Variants in ANO3 observed in about 807,000 individuals in gnomAD.
The protein encoded by ANO3 is anoctamin-3.
ANO3 carries 99 observed loss-of-function variants against 144.8 expected under a neutral mutation model. The ratio of observed to expected loss-of-function variants is 0.68; its 90% CI spans 0.58 to 0.81. ANO3 has a LOEUF of 0.81. Among genes scored for constraint, ANO3 ranks in the 30% least tolerant of loss-of-function variants. ANO3 has a pLI of 0.00. For missense variants in ANO3, 905 were observed against 1,202.2 expected (o/e 0.75, Z 3.66); for synonymous variants, 414 against 392.6 (o/e 1.05, Z -0.64).
chr11:26,260,631 G>GATTAAATAA (rs1298811736), intron 1 of ANO3, among the ~76,000 whole-genome samples: 3 of 152,088 alleles, frequency 2.0e-5, no homozygotes, highest in African/African-American at 7.2e-5. Context: ...TCTTAACCAA[G>GATTAAATAA]GTATGTGATT....
chr11:26,601,481 A>G (rs897143118), intron 17 of ANO3, among the ~76,000 whole-genome samples: 8 of 152,198 alleles, frequency 5.3e-5, no homozygotes, highest in African/African-American at 1.9e-4. Flanking sequence ...ATTATCTCTA[A>G]ACGAGCCATA....
rs188603394 is a variant in ANO3 at position 26,483,395 on chromosome 11, G to T, written c.432+20247G>T. Among the ~76,000 whole-genome samples the T allele has an allele frequency of 1.9e-3, 288 of 152,270 alleles. 6 individuals carry two copies. In the South Asian group the frequency reaches 0.022, roughly 11 times the overall value. On this transcript the variant is annotated intron_variant, in intron 4 of 26. Transcript: ENST00000256737. ...TCTCCAGTTCTGGAGGAGGGGTCTG[G>T]TAGGATGTGATTGGATCATGGGGAT...
chr11:26,338,649 C>G (rs148059012), intron 1 of ANO3, among the ~76,000 whole-genome samples: 1 of 152,178 alleles, frequency 6.6e-6, no homozygotes, highest in Non-Finnish European at 1.5e-5. Flanking sequence ...TAGCACTCAC[C>G]GCGAGGGTCT....
intron 1 of ANO3, among the ~76,000 whole-genome samples, chr11:26,404,683 T>G (rs1857231409): frequency 6.6e-6 from 1 of 151,514 alleles, no homozygotes; most frequent in Admixed American, 6.6e-5. Flanking sequence ...TAGTAAGGAG[T>G]CGAAGGGAGG....
intron 18 of ANO3, among the ~76,000 whole-genome samples, chr11:26,626,887 T>C (rs1852604167): frequency 6.6e-6 from 1 of 152,176 alleles, no homozygotes; most frequent in African/African-American, 2.4e-5. Flanking sequence ...TATTGACTCA[T>C]GCTTCACATT....
chr11:26,339,614 A>G (rs1855299210), intron 1 of ANO3, among the ~76,000 whole-genome samples: 1 of 152,098 alleles, frequency 6.6e-6, no homozygotes, highest in Admixed American at 6.5e-5. Context: ...CACCTTTTCC[A>G]CAAAAATAAT....
chr11:26,219,775 T>A (rs565365637), intron 1 of ANO3, among the ~76,000 whole-genome samples: 2 of 152,202 alleles, frequency 1.3e-5, no homozygotes, highest in Admixed American at 1.3e-4. Flanking sequence ...AGAGAAAGGA[T>A]AAACAGAAGC....
intron 1 of ANO3, among the ~76,000 whole-genome samples, chr11:26,369,335 T>TTA (rs1376759032): frequency 6.6e-6 from 1 of 152,068 alleles, no homozygotes; most frequent in East Asian, 1.9e-4. Flanking sequence ...ACTATATCAT[T>TTA]TCTCTTTGAT....
chr11:26,454,237 T>C (rs1246308881), intron 3 of ANO3, among the ~76,000 whole-genome samples: 3 of 151,906 alleles, frequency 2.0e-5, no homozygotes, highest in African/African-American at 7.3e-5. Context: ...AGAGCAGAAC[T>C]GAAGGAAATA....
At chr11:26,375,596 A>C (rs562683389) in intron 1 of ANO3, among the ~76,000 whole-genome samples, 49 of 152,318 alleles carry the variant, frequency 3.2e-4, no homozygotes, top group Middle Eastern at 6.8e-3. Context: ...TTTTCTCCCG[A>C]TCTTCTGTAA....
intron 1 of ANO3, among the ~76,000 whole-genome samples, chr11:26,268,273 TATATTCTA>T (rs1853358408): frequency 6.6e-6 from 1 of 152,218 alleles, no homozygotes; most frequent in Non-Finnish European, 1.5e-5. Context: ...TTATTCAATT[TATATTCTA>T]ATGGGATTAA....
intron 1 of ANO3, among the ~76,000 whole-genome samples, chr11:26,209,828 A>G (rs1475372348): frequency 7.1e-6 from 1 of 140,018 alleles, no homozygotes; most frequent in African/African-American, 2.5e-5. Context: ...CCACTTTTGG[A>G]TGGGGCTGTT....
At chr11:26,281,991 A>G (rs1444726046) in intron 1 of ANO3, among the ~76,000 whole-genome samples, 1 of 152,128 alleles carries the variant, frequency 6.6e-6, no homozygotes, top group Admixed American at 6.5e-5. Context: ...AAACATGAAA[A>G]CCATTACTTT....
chr11:26,480,724 A>G (rs1045266757), intron 4 of ANO3, among the ~76,000 whole-genome samples: 11 of 152,022 alleles, frequency 7.2e-5, no homozygotes, highest in Non-Finnish European at 1.5e-4. Context: ...AGGTTCATCA[A>G]TTGAACCCAG....
chr11:26,299,284 A>G (rs934087274), intron 1 of ANO3, among the ~76,000 whole-genome samples: 2 of 152,212 alleles, frequency 1.3e-5, no homozygotes, highest in African/African-American at 4.8e-5. Flanking sequence ...GATTAATTAT[A>G]TAGCATGCCC....
chr11:26,410,497 G>T (rs527500789), intron 1 of ANO3, among the ~76,000 whole-genome samples: 2 of 151,962 alleles, frequency 1.3e-5, no homozygotes, highest in South Asian at 4.2e-4. Flanking sequence ...ATTCTAAACT[G>T]AATTCCAAAT....
chr11:26,403,501 C>A (rs1375886521), intron 1 of ANO3, among the ~76,000 whole-genome samples: 1 of 151,854 alleles, frequency 6.6e-6, no homozygotes, highest in Admixed American at 6.6e-5. Context: ...TACTGCACCT[C>A]CTTCACTACC....
In ANO3 at chr11:26,490,250, ACTGCCATGCCTTTTGCCTC is replaced by A. The variant is rs1356927591; in HGVS notation, c.433-17845_433-17827del. Among the ~76,000 whole-genome samples, 4 of 152,250 alleles carry A rather than the reference ACTGCCATGCCTTTTGCCTC, an allele frequency of 2.6e-5. No homozygotes were observed. In the East Asian group the frequency reaches 7.7e-4, roughly 29 times the overall value. ...GCTTCTTCCTTGTTTTTCTGTTGCT[ACTGCCATGCCTTTTGCCTC>A]CTGCCATGATTCTGAGGCCTCCCTA... is the stretch of plus-strand genomic sequence containing the variant. On this transcript the variant is annotated intron_variant, in intron 4 of 26. Coordinates refer to ENST00000256737, the MANE Select transcript of ANO3 (RefSeq NM_031418.4).
chr11:26,590,150 C>T (rs1376319682), intron 14 of ANO3, among the ~76,000 whole-genome samples: 1 of 152,122 alleles, frequency 6.6e-6, no homozygotes, highest in African/African-American at 2.4e-5. Context: ...AACAAACAAA[C>T]AAACCCAGAT....
Sources: allele counts gnomAD v4.1 joint callset (sites outside exome capture counted in the v4.1 genomes callset), GRCh38; gene constraint gnomAD v4.1.1; transcripts MANE v1.5; gene names NCBI Gene and HGNC (gene_info 2026-07-23, HGNC 2026-07-21).